Variants in NTM observed in about 807,000 individuals in gnomAD.
The protein encoded by NTM is neurotrimin, also known as IgLON family member 2.
A neutral mutation model predicts 42.1 loss-of-function variants in NTM; 13 were observed. That is an observed-to-expected ratio of 0.31 (90% CI 0.20 to 0.49). NTM has a LOEUF of 0.49. NTM is among the 20% of genes least tolerant of loss of function. The pLI is 0.99. For missense variants in NTM, 373 were observed against 452.8 expected (o/e 0.82, Z 1.60); for synonymous variants, 187 against 179.2 (o/e 1.04, Z -0.35).
chr11:131,812,043 C>T (rs1375787247), intron 1 of NTM, among the ~76,000 whole-genome samples: 1 of 152,184 alleles, frequency 6.6e-6, no homozygotes, highest in Non-Finnish European at 1.5e-5. Flanking sequence ...TATCTCCACC[C>T]AGCCTAACAA....
chr11:132,109,514 A>G (rs1223293282), intron 2 of NTM, among the ~76,000 whole-genome samples: 1 of 152,202 alleles, frequency 6.6e-6, no homozygotes, highest in Non-Finnish European at 1.5e-5. Flanking sequence ...AAGGAAAAAA[A>G]TTAAATATTT....
intron 1 of NTM, among the ~76,000 whole-genome samples, chr11:131,624,073 T>G (rs1385601924): frequency 2.0e-5 from 3 of 152,196 alleles, no homozygotes; most frequent in Non-Finnish European, 2.9e-5. Context: ...CTGGGGCACC[T>G]TGTACTCTGT....
At position 131,942,945 on chromosome 11, in the gene NTM, CAAAA is replaced by C. The variant is rs5795748; in HGVS notation, c.167+31309_167+31312del. ...GGGTCAAGAGAGTGAGACCCTGTCTCAAAAAAAAAAAAAAATGCGTAGAGTTTAG... is the reference window on the plus strand; with the variant it reads ...GGGTCAAGAGAGTGAGACCCTGTCTCAAAAAAAAAAATGCGTAGAGTTTAG... On this transcript the variant is annotated intron_variant, in intron 2 of 8. Coordinates refer to ENST00000683400, the MANE Select transcript of NTM (RefSeq NM_001352005.2). Among the ~76,000 whole-genome samples, 819 of 138,628 alleles carry C rather than the reference CAAAA, an allele frequency of 5.9e-3. 8 individuals are homozygous for C. Among genetic ancestry groups the C allele is most frequent in the South Asian group, 0.038 (168 of 4,364 alleles). The allele number at this position is 138,628 out of a possible 152,430, so 90.9% of individuals were successfully genotyped here. A position where few individuals can be genotyped will look rare whatever the true frequency, so the allele number is the denominator to read the frequency against.
At chr11:131,504,659 C>G (rs1315144012) in intron 1 of NTM, among the ~76,000 whole-genome samples, 1 of 152,148 alleles carries the variant, frequency 6.6e-6, no homozygotes. Context: ...GCACTGCTGG[C>G]CTTTCCAAAC....
chr11:131,884,291 C>A (rs963712277), intron 1 of NTM, among the ~76,000 whole-genome samples: 1 of 152,076 alleles, frequency 6.6e-6, no homozygotes, highest in Non-Finnish European at 1.5e-5. Context: ...TGCCTGTAAT[C>A]CCAGCTACTC....
In NTM at chr11:131,427,022, C is replaced by G. The variant is rs78684356; in HGVS notation, c.82+56134C>G. Among the ~76,000 whole-genome samples the G allele has an allele frequency of 4.4e-3, 662 of 152,108 alleles. 3 individuals carry two copies. Among genetic ancestry groups the G allele is most frequent in the African/African-American group, 0.015 (626 of 41,480 alleles). On this transcript the variant is annotated intron_variant, in intron 1 of 8. Transcript: ENST00000683400. ...GCAGGAGGGCAATGGTTCTGGTGGT[C>G]AGGGGCTTGCCAGGAAGGAGAAAGA...
At position 131,384,400 on chromosome 11, in the gene NTM, G is replaced by A. The variant is rs1242094894; in HGVS notation, c.82+13512G>A. Among the ~76,000 whole-genome samples the A allele has an allele frequency of 3.3e-5, 5 of 152,198 alleles. No individual in the cohort carries two copies. The South Asian group carries it at 6.2e-4, about 19-fold the overall frequency. Reference sequence around the variant, plus strand: ...GGCAGGAATGTCAGCAGTGTCAAATGTTTCTAAAGGATCAAGGGAGATTAT... The same window carrying A: ...GGCAGGAATGTCAGCAGTGTCAAATATTTCTAAAGGATCAAGGGAGATTAT... On this transcript the variant is annotated intron_variant, in intron 1 of 8. Transcript: ENST00000683400.
At chr11:131,382,763 G>T (rs866436167) in intron 1 of NTM, among the ~76,000 whole-genome samples, 4 of 152,168 alleles carry the variant, frequency 2.6e-5, no homozygotes, top group Non-Finnish European at 5.9e-5. Flanking sequence ...TTTGAAACAT[G>T]ACCAGTTTGA....
At position 131,522,800 on chromosome 11, in the gene NTM, G is replaced by T. The variant is rs570301087; in HGVS notation, c.82+151912G>T. On this transcript the variant is annotated intron_variant, in intron 1 of 8. Coordinates refer to ENST00000683400, the MANE Select transcript of NTM (RefSeq NM_001352005.2). Reference sequence around the variant, plus strand: ...TTAAGCTGTATTATTAGGGTTTTAGGTCAGTCAATGGCCTTCAAGCCCCAG... The same window carrying T: ...TTAAGCTGTATTATTAGGGTTTTAGTTCAGTCAATGGCCTTCAAGCCCCAG... Among the ~76,000 whole-genome samples, 17 of 152,278 alleles carry T rather than the reference G, an allele frequency of 1.1e-4. No individual in the cohort carries two copies. In the South Asian group the frequency reaches 3.3e-3, roughly 30 times the overall value.
intron 2 of NTM, among the ~76,000 whole-genome samples, chr11:132,104,937 G>GTGTGTGTGTATGTATATA (rs1169190929): frequency 1.6e-5 from 1 of 61,826 alleles, no homozygotes; most frequent in African/African-American, 6.0e-5. Flanking sequence ...ATATACATAT[G>GTGTGTGTGTATGTATATA]TATATATATA....
At chr11:132,110,265 G>T (rs529061219) in intron 2 of NTM, among the ~76,000 whole-genome samples, 2 of 152,342 alleles carry the variant, frequency 1.3e-5, no homozygotes, top group African/African-American at 4.8e-5. Context: ...CTGAACAAAT[G>T]AATGAATGAT....
intron 1 of NTM, among the ~76,000 whole-genome samples, chr11:131,498,694 G>A (rs1199875604): frequency 6.6e-6 from 1 of 152,178 alleles, no homozygotes; most frequent in Non-Finnish European, 1.5e-5. Context: ...ATTCTGGAAT[G>A]GTGGCCTCTG....
At chr11:132,017,092 T>G (rs1163324323) in intron 2 of NTM, among the ~76,000 whole-genome samples, 2 of 151,988 alleles carry the variant, frequency 1.3e-5, no homozygotes, top group Non-Finnish European at 2.9e-5. Context: ...TGAGGGCTTT[T>G]CTTTTCATTT....
At chr11:131,497,282 A>C (rs1955449242) in intron 1 of NTM, among the ~76,000 whole-genome samples, 1 of 152,104 alleles carries the variant, frequency 6.6e-6, no homozygotes, top group South Asian at 2.1e-4. Context: ...TCTGCCTCCC[A>C]GGTTCAAGCA....
chr11:132,255,697 A>T (rs1161637715), intron 4 of NTM, among the ~76,000 whole-genome samples: 1 of 152,130 alleles, frequency 6.6e-6, no homozygotes, highest in Non-Finnish European at 1.5e-5. Context: ...GAACCACCTG[A>T]GTCACCTTCA....
At chr11:131,610,253 GC>G (rs1192377064) in intron 1 of NTM, among the ~76,000 whole-genome samples, 1 of 152,234 alleles carries the variant, frequency 6.6e-6, no homozygotes, top group African/African-American at 2.4e-5. Context: ...AGGGCAGGAT[GC>G]TGCAAGCCCC....
At chr11:131,616,785 G>GTGTGTGTGTGTGTGTT (rs2061985753) in intron 1 of NTM, among the ~76,000 whole-genome samples, 1 of 140,172 alleles carries the variant, frequency 7.1e-6, no homozygotes, top group South Asian at 2.3e-4. Context: ...GGGGGTGTGT[G>GTGTGTGTGTGTGTGTT]TGTGTGTGTG....
intron 7 of NTM, among the ~76,000 whole-genome samples, chr11:132,317,215 C>T (rs906606789): frequency 6.6e-6 from 1 of 152,146 alleles, no homozygotes; most frequent in Non-Finnish European, 1.5e-5. Context: ...AATCACAGTG[C>T]TCTGGGGAGC....
intron 1 of NTM, among the ~76,000 whole-genome samples, chr11:131,381,233 T>C (rs534210314): frequency 6.6e-6 from 1 of 152,216 alleles, no homozygotes; most frequent in African/African-American, 2.4e-5. Flanking sequence ...TGAATTCATC[T>C]AGTTGGAGAA....
Sources: allele counts gnomAD v4.1 joint callset (sites outside exome capture counted in the v4.1 genomes callset), GRCh38; gene constraint gnomAD v4.1.1; transcripts MANE v1.5; gene names NCBI Gene and HGNC (gene_info 2026-07-23, HGNC 2026-07-21).